The following YEATS2 variants were observed in gnomAD, a reference collection of about 807,000 sequenced individuals.
The protein encoded by YEATS2 is YEATS domain containing 2.
In YEATS2, 77 loss-of-function variants were observed where a neutral mutation model predicts 163.2. That is an observed-to-expected ratio of 0.47 (90% CI 0.39 to 0.57). YEATS2 has a LOEUF of 0.57. Ranked by LOEUF, YEATS2 falls within the 20% of genes least tolerant of loss-of-function variation. The pLI is 0.00. For synonymous variants in YEATS2, 631 were observed against 645.1 expected, an observed-to-expected ratio of 0.98 and a Z score of 0.33; for missense variants, 1,549 against 1,729.8, an observed-to-expected ratio of 0.90 and a Z score of 1.85.
intron 1 of YEATS2, among the ~76,000 whole-genome samples, chr3:183,714,913 CTT>C (rs999638925): frequency 5.0e-5 from 7 of 140,414 alleles, no homozygotes; most frequent in African/African-American, 2.6e-5. Flanking sequence ...ATTATGATTT[CTT>C]TTTTTTTTTT....
At position 183,790,973 on chromosome 3, in the gene YEATS2, A is replaced by G. The variant is rs745598221; in HGVS notation, c.3090A>G (p.Thr1030=). Residue 1030 remains threonine (T), a synonymous_variant, in exon 21 of 31, where the codon ACA becomes ACG. Coordinates refer to ENST00000305135, the MANE Select transcript of YEATS2 (RefSeq NM_018023.5). The part of the protein sequence containing the change: ...PTPNPISGKA[T]VSGLLKIHSS... ...CAAACCCCATCTCTGGGAAAGCCAC[A>G]GTATCCGGTGAGTTGCATTGTGATA... 1.2e-6 allele frequency: 2 copies of G among 1,613,614 alleles called. No individual in the cohort carries two copies. The highest frequency in any genetic ancestry group is 1.7e-5 in the Admixed American group (1 of 59,926).
At chr3:183,752,536 C>T (rs926039127) in intron 10 of YEATS2, among the ~76,000 whole-genome samples, 8 of 151,474 alleles carry the variant, frequency 5.3e-5, no homozygotes, top group South Asian at 2.1e-4. Flanking sequence ...GGTGAAACCC[C>T]GTCTCTACTA....
At position 183,718,508 on chromosome 3, in the gene YEATS2, T is replaced by G. The variant is rs767497308; in HGVS notation, c.207T>G (p.Ile69Met). The G allele has an allele frequency of 1.1e-5, 17 of 1,611,612 alleles. No individual in the cohort carries two copies. The highest frequency in any genetic ancestry group is 8.9e-5 in the South Asian group (8 of 90,358). ...TTAACATTTGTTTTTAGCGACTGATTGAAGCAAGAAGGATGATGGATAAAC... is the reference window on the plus strand; with the variant it reads ...TTAACATTTGTTTTTAGCGACTGATGGAAGCAAGAAGGATGATGGATAAAC... ...HEIEVIDQRLIEARRMMDKLR... is the reference protein window; with the variant it reads ...HEIEVIDQRLMEARRMMDKLR... Residue 69 changes from isoleucine to methionine, a missense_variant, in exon 4 of 31, where the codon ATT (isoleucine) becomes ATG (methionine). By Grantham distance (10) the Ile-to-Met change is conservative. Transcript: ENST00000305135.
intron 1 of YEATS2, among the ~76,000 whole-genome samples, chr3:183,713,450 C>A (rs1273564494): frequency 2.6e-5 from 4 of 152,134 alleles, no homozygotes; most frequent in African/African-American, 9.7e-5. Flanking sequence ...GTAATCTTAG[C>A]TACTCAGGAG....
At chr3:183,760,919 A>G (rs1336195258) in intron 13 of YEATS2, among the ~76,000 whole-genome samples, 2 of 152,176 alleles carry the variant, frequency 1.3e-5, no homozygotes, top group African/African-American at 2.4e-5. Context: ...GGGAAGACCA[A>G]TAAAGTCAGC....
rs375910852 is a variant in YEATS2, at chr3:183,798,020, G to T, written c.3195G>T (p.Gly1065=). The T allele has an allele frequency of 1.2e-6, 2 of 1,614,084 alleles. No homozygotes were observed. Among genetic ancestry groups the T allele is most frequent in the Non-Finnish European group, 1.7e-6 (2 of 1,179,966 alleles). The part of the protein sequence containing the change: ...LKPLSVNTSG[G]VQTILMPVNK... ...CACTCAGCGTAAACACATCTGGAGG[G>T]GTGCAGACGATCCTGATGCCTGTGA... The change falls in exon 22 of 31, where the codon GGG becomes GGT. Residue 1065 remains glycine (G), a synonymous_variant. Transcript: ENST00000305135.
chr3:183,760,432 G>A (rs1479416770), intron 13 of YEATS2, among the ~76,000 whole-genome samples: 2 of 148,808 alleles, frequency 1.3e-5, no homozygotes, highest in African/African-American at 5.0e-5. Context: ...AAGCGATTCT[G>A]CGGTCTCAGT....
chr3:183,754,019 G>A (rs1720456170), intron 10 of YEATS2, 107 bp from the exon 11 acceptor site: 2 of 1,393,994 alleles, frequency 1.4e-6, no homozygotes, highest in South Asian at 3.3e-5. Flanking sequence ...CCAGTACATG[G>A]TTTAAAATGG....
intron 30 of YEATS2, chr3:183,809,433 G>T: frequency 3.1e-6 from 1 of 325,950 alleles, no homozygotes; most frequent in Non-Finnish European, 5.6e-6. Flanking sequence ...TTTATTACAG[G>T]GTTGAATAAA....
intron 1 of YEATS2, among the ~76,000 whole-genome samples, chr3:183,699,650 G>C (rs1458975828): frequency 6.6e-6 from 1 of 150,680 alleles, no homozygotes; most frequent in Non-Finnish European, 1.5e-5. Context: ...AGTGAAAAGG[G>C]CGCAGACACT....
In YEATS2 at chr3:183,806,973, A is replaced by G; in HGVS notation, c.3892A>G (p.Ser1298Gly). The G allele has an allele frequency of 1.2e-6, 2 of 1,614,180 alleles. No individual in the cohort carries two copies. The change falls in exon 28 of 31, where the codon AGC becomes GGC. Residue 1298 changes from serine (S) to glycine (G), a missense_variant. Physicochemically the swap from Ser to Gly is moderately conservative, Grantham distance 56. Transcript: ENST00000305135. ...GAATGAGGAGGAGGTGGACATCCTC[A>G]GCCTCTCCGAGCCAGTGAAGATAAA... ...PENEEEVDIL[S>G]LSEPVKINIK...
At chr3:183,754,827 G>C (rs1560275165) in intron 11 of YEATS2, among the ~76,000 whole-genome samples, 2 of 152,184 alleles carry the variant, frequency 1.3e-5, no homozygotes, top group Non-Finnish European at 2.9e-5. Context: ...CCTATTGTCA[G>C]TAGGTAGTTC....
chr3:183,736,021 CAT>C (rs1171043183), intron 7 of YEATS2, among the ~76,000 whole-genome samples: 3 of 152,060 alleles, frequency 2.0e-5, no homozygotes, highest in East Asian at 1.9e-4. Context: ...AAATTTCAGA[CAT>C]ATATGGAAGT....
chr3:183,701,684 C>T (rs914040688), intron 1 of YEATS2, among the ~76,000 whole-genome samples: 3 of 152,318 alleles, frequency 2.0e-5, no homozygotes, highest in Admixed American at 6.5e-5. Context: ...ACATGAGCCA[C>T]TGTGCCTGGC....
At chr3:183,734,095 TA>T (rs1718091994) in intron 7 of YEATS2, among the ~76,000 whole-genome samples, 1 of 152,194 alleles carries the variant, frequency 6.6e-6, no homozygotes, top group Non-Finnish European at 1.5e-5. Flanking sequence ...CCAATAGAAA[TA>T]TACTGTGAGC....
chr3:183,778,064 A>G (rs1723175098), intron 19 of YEATS2, among the ~76,000 whole-genome samples: 1 of 149,436 alleles, frequency 6.7e-6, no homozygotes, highest in African/African-American at 2.5e-5. Context: ...GTGAGCCGAG[A>G]TCGTGCCATT....
intron 15 of YEATS2, among the ~76,000 whole-genome samples, chr3:183,763,623 A>G (rs929865467): frequency 3.3e-5 from 5 of 152,214 alleles, no homozygotes; most frequent in African/African-American, 1.2e-4. Flanking sequence ...CAGCTAATAA[A>G]TGACAAAGTG....
intron 15 of YEATS2, among the ~76,000 whole-genome samples, chr3:183,769,250 G>A (rs939992002): frequency 7.0e-5 from 10 of 143,080 alleles, no homozygotes; most frequent in African/African-American, 1.6e-4. Context: ...AGTAGCAGGC[G>A]GATCCCCATG....
intron 8 of YEATS2, among the ~76,000 whole-genome samples, chr3:183,745,649 G>T (rs907925520): frequency 6.6e-6 from 1 of 152,022 alleles, no homozygotes; most frequent in Non-Finnish European, 1.5e-5. Flanking sequence ...AAATATTAGA[G>T]TTACATAAAA....
Sources: allele counts gnomAD v4.1 joint callset (sites outside exome capture counted in the v4.1 genomes callset), GRCh38; gene constraint gnomAD v4.1.1; transcripts MANE v1.5; gene names NCBI Gene and HGNC (gene_info 2026-07-23, HGNC 2026-07-21).